EXOC4: variants seen among roughly 807,000 people sequenced by gnomAD.
EXOC4 encodes the protein exocyst complex component 4.
Under a neutral mutation model 107.2 loss-of-function variants are expected in EXOC4, and 71 were observed. The ratio of observed to expected loss-of-function variants is 0.66; its 90% CI spans 0.55 to 0.81. The LOEUF is 0.81. Among genes scored for constraint, EXOC4 ranks in the 30% least tolerant of loss-of-function variants. The pLI, the probability that EXOC4 is intolerant of heterozygous loss-of-function variation, is 0.00. For missense variants in EXOC4, 1,108 were observed against 1,189.6 expected (o/e 0.93, Z 1.01); for synonymous variants, 456 against 441.2 (o/e 1.03, Z -0.42).
chr7:134,038,561 A>C (rs919142180), intron 17 of EXOC4, among the ~76,000 whole-genome samples: 1 of 152,170 alleles, frequency 6.6e-6, no homozygotes, highest in Non-Finnish European at 1.5e-5. Flanking sequence ...CTAACACACT[A>C]ATTTTATTCT....
chr7:133,838,736 A>T (rs1156368528), intron 11 of EXOC4, among the ~76,000 whole-genome samples: 2 of 152,220 alleles, frequency 1.3e-5, no homozygotes, highest in Non-Finnish European at 2.9e-5. Flanking sequence ...AGTTTTTCTG[A>T]ATAGAGCCAG....
At chr7:133,655,043 G>T (rs1309874573) in intron 10 of EXOC4, among the ~76,000 whole-genome samples, 2 of 152,166 alleles carry the variant, frequency 1.3e-5, no homozygotes, top group Non-Finnish European at 1.5e-5. Context: ...GTACGTGAAT[G>T]TGAAGGTCTA....
At chr7:133,639,277 C>A (rs1218387360) in intron 10 of EXOC4, among the ~76,000 whole-genome samples, 2 of 151,966 alleles carry the variant, frequency 1.3e-5, no homozygotes, top group East Asian at 1.9e-4. Context: ...ACACACACAC[C>A]CCCTCTTTCC....
intron 15 of EXOC4, among the ~76,000 whole-genome samples, chr7:133,999,479 C>T (rs1200995471): frequency 6.6e-6 from 1 of 152,140 alleles, no homozygotes; most frequent in African/African-American, 2.4e-5. Context: ...TTATTTCTCA[C>T]ATTAAGCTGT....
At chr7:133,561,372 A>G (rs1800800888) in intron 9 of EXOC4, among the ~76,000 whole-genome samples, 1 of 152,196 alleles carries the variant, frequency 6.6e-6, no homozygotes, top group Admixed American at 6.5e-5. Context: ...TTCTCAAACC[A>G]GTGTTTTTCT....
chr7:133,539,487 A>G (rs1241822761), intron 9 of EXOC4, among the ~76,000 whole-genome samples: 3 of 151,710 alleles, frequency 2.0e-5, no homozygotes, highest in African/African-American at 7.3e-5. Flanking sequence ...GGCAAGACTG[A>G]TTGTTAACAG....
At chr7:133,980,610 A>G (rs1004241598) in intron 14 of EXOC4, among the ~76,000 whole-genome samples, 3 of 152,270 alleles carry the variant, frequency 2.0e-5, no homozygotes, top group Non-Finnish European at 4.4e-5. Flanking sequence ...TTCTTAGTTA[A>G]TAGGAGAATA....
intron 3 of EXOC4, among the ~76,000 whole-genome samples, chr7:133,290,066 A>G (rs948481631): frequency 1.3e-5 from 2 of 152,224 alleles, no homozygotes; most frequent in Admixed American, 6.5e-5. Flanking sequence ...AATTTTGCTA[A>G]AAGTCCTTCA....
chr7:133,958,479 A>G (rs538340646), intron 14 of EXOC4, among the ~76,000 whole-genome samples: 2 of 152,280 alleles, frequency 1.3e-5, no homozygotes, highest in Non-Finnish European at 2.9e-5. Context: ...TGCCTATTTT[A>G]TCCCTTGCTA....
At chr7:133,442,565 G>A (rs139947459) in intron 7 of EXOC4, among the ~76,000 whole-genome samples, 314 of 152,198 alleles carry the variant, frequency 2.1e-3, no homozygotes, top group Non-Finnish European at 3.4e-3. Context: ...TGGGGATGGG[G>A]AATGGACAAG....
chr7:133,326,431 G>A (rs941146652), intron 5 of EXOC4, among the ~76,000 whole-genome samples: 3 of 152,200 alleles, frequency 2.0e-5, no homozygotes, highest in African/African-American at 7.2e-5. Context: ...CTAAGAGTCA[G>A]GACCCTGAGC....
At chr7:133,730,606 T>C (rs1382077851) in intron 10 of EXOC4, among the ~76,000 whole-genome samples, 1 of 152,148 alleles carries the variant, frequency 6.6e-6, no homozygotes. Flanking sequence ...TATAAAGTCA[T>C]TAATCTTCTG....
intron 9 of EXOC4, among the ~76,000 whole-genome samples, chr7:133,577,995 A>T (rs1425508455): frequency 6.6e-6 from 1 of 152,222 alleles, no homozygotes; most frequent in African/African-American, 2.4e-5. Flanking sequence ...CATGGTAAAG[A>T]TGATAGATTT....
At chr7:133,784,188 CTCT>C (rs1796523349) in intron 10 of EXOC4, among the ~76,000 whole-genome samples, 1 of 151,900 alleles carries the variant, frequency 6.6e-6, no homozygotes, top group South Asian at 2.1e-4. Flanking sequence ...TTATCATCAT[CTCT>C]TACTAGGCAA....
chr7:133,568,179 TCTC>T (rs1414025456), intron 9 of EXOC4, among the ~76,000 whole-genome samples: 1 of 152,172 alleles, frequency 6.6e-6, no homozygotes, highest in Non-Finnish European at 1.5e-5. Flanking sequence ...CTGCAACCTG[TCTC>T]CTCATATTAT....
At chr7:133,602,325 T>A (rs1801828362) in intron 9 of EXOC4, among the ~76,000 whole-genome samples, 1 of 152,206 alleles carries the variant, frequency 6.6e-6, no homozygotes. Flanking sequence ...TATCCTAGAA[T>A]AACAGCATTT....
intron 10 of EXOC4, among the ~76,000 whole-genome samples, chr7:133,744,676 C>A (rs1336751510): frequency 2.0e-5 from 3 of 152,130 alleles, no homozygotes; most frequent in Non-Finnish European, 4.4e-5. Flanking sequence ...TATATTATTC[C>A]ACCACTGGTT....
At chr7:133,655,558 T>A (rs10279508) in intron 10 of EXOC4, among the ~76,000 whole-genome samples, 2,274 of 152,344 alleles carry the variant, frequency 0.015, 59 homozygotes, top group African/African-American at 0.052. Flanking sequence ...GGAAATTTTT[T>A]ATTTTTTTAC....
intron 17 of EXOC4, among the ~76,000 whole-genome samples, chr7:134,044,557 G>A (rs1411246677): frequency 1.3e-5 from 2 of 152,164 alleles, no homozygotes; most frequent in Admixed American, 6.5e-5. Flanking sequence ...TCACCACCTT[G>A]CTGTCTAGAA....
Sources: allele counts gnomAD v4.1 joint callset (sites outside exome capture counted in the v4.1 genomes callset), GRCh38; gene constraint gnomAD v4.1.1; transcripts MANE v1.5; gene names NCBI Gene and HGNC (gene_info 2026-07-23, HGNC 2026-07-21).